CACNA1D: variants seen among roughly 807,000 people sequenced by gnomAD.
CACNA1D encodes calcium voltage-gated channel subunit alpha1 D, also known as voltage-dependent L-type calcium channel subunit alpha-1D.
A neutral mutation model predicts 257.1 loss-of-function variants in CACNA1D; 55 were observed. The ratio of observed to expected loss-of-function variants is 0.21; its 90% CI spans 0.17 to 0.27. CACNA1D has a LOEUF of 0.27. CACNA1D is among the 10% of genes least tolerant of loss of function. The pLI is 1.00. For synonymous variants in CACNA1D, 980 were observed against 1,014.9 expected, an observed-to-expected ratio of 0.97 and a Z score of 0.65; for missense variants, 1,876 against 2,784.0, an observed-to-expected ratio of 0.67 and a Z score of 7.34.
At chr3:53,766,649 T>G (rs1330764878) in intron 30 of CACNA1D, among the ~76,000 whole-genome samples, 2 of 152,166 alleles carry the variant, frequency 1.3e-5, no homozygotes, top group Non-Finnish European at 2.9e-5. Context: ...GAGAGCCCTG[T>G]GGGAAGAGGC....
intron 3 of CACNA1D, among the ~76,000 whole-genome samples, chr3:53,600,880 A>G (rs1207304779): frequency 6.6e-6 from 1 of 152,196 alleles, no homozygotes; most frequent in Non-Finnish European, 1.5e-5. Context: ...TGAATGATTG[A>G]AACAGATAAT....
intron 3 of CACNA1D, among the ~76,000 whole-genome samples, chr3:53,646,304 T>A (rs2094019910): frequency 6.6e-6 from 1 of 152,210 alleles, no homozygotes; most frequent in Admixed American, 6.5e-5. Context: ...TCAGCTGTTG[T>A]CCTAGCAGTT....
At chr3:53,765,824 T>A (rs2095329015) in intron 30 of CACNA1D, 1 of 152,314 alleles carries the variant, frequency 6.6e-6, no homozygotes, top group Admixed American at 6.5e-5. Context: ...ACTGTCCCCC[T>A]CCCATGTCCC....
At chr3:53,595,660 C>T (rs1433212467) in intron 3 of CACNA1D, among the ~76,000 whole-genome samples, 1 of 152,158 alleles carries the variant, frequency 6.6e-6, no homozygotes, top group Non-Finnish European at 1.5e-5. Flanking sequence ...CCAGGATGAC[C>T]CTGGTTTCTA....
chr3:53,645,180 A>G (rs1208777711), intron 3 of CACNA1D, among the ~76,000 whole-genome samples: 3 of 152,070 alleles, frequency 2.0e-5, no homozygotes, highest in Admixed American at 6.6e-5. Context: ...TTTTCTTGCT[A>G]TTGAGTTGTT....
intron 29 of CACNA1D, among the ~76,000 whole-genome samples, chr3:53,761,104 CAA>C (rs2095298937): frequency 6.6e-6 from 1 of 152,072 alleles, no homozygotes; most frequent in Non-Finnish European, 1.5e-5. Context: ...TGGGGTTAGG[CAA>C]TTAGGATTGC....
At chr3:53,513,906 A>G (rs1389581829) in intron 3 of CACNA1D, among the ~76,000 whole-genome samples, 1 of 152,216 alleles carries the variant, frequency 6.6e-6, no homozygotes, top group Non-Finnish European at 1.5e-5. Context: ...TTTGTGGCCT[A>G]GCAGCAACAG....
At chr3:53,657,288 C>T (rs1471835413) in intron 4 of CACNA1D, among the ~76,000 whole-genome samples, 1 of 151,350 alleles carries the variant, frequency 6.6e-6, no homozygotes, top group African/African-American at 2.4e-5. Context: ...GCCAGGAGAA[C>T]ATACTATGTG....
At chr3:53,579,730 G>A (rs2093098454) in intron 3 of CACNA1D, among the ~76,000 whole-genome samples, 1 of 152,226 alleles carries the variant, frequency 6.6e-6, no homozygotes, top group African/African-American at 2.4e-5. Flanking sequence ...AGGGCTTTGA[G>A]TGGTGCAGTG....
chr3:53,622,239 C>A (rs1302490596), intron 3 of CACNA1D, among the ~76,000 whole-genome samples: 1 of 152,238 alleles, frequency 6.6e-6, no homozygotes, highest in Non-Finnish European at 1.5e-5. Flanking sequence ...TTAATAGAGA[C>A]AGGGTTTCAC....
intron 3 of CACNA1D, among the ~76,000 whole-genome samples, chr3:53,503,333 T>G (rs1025201905): frequency 6.6e-6 from 1 of 152,218 alleles, no homozygotes; most frequent in African/African-American, 2.4e-5. Context: ...TGTAGACATG[T>G]GACATTAGAT....
chr3:53,715,184 C>T lies in CACNA1D; in HGVS notation c.1391-3117C>T, dbSNP rs1452378674. 2.0e-5 allele frequency among the ~76,000 whole-genome samples: 3 copies of T among 152,250 alleles called. No homozygotes were observed. The East Asian group carries it at 5.8e-4, about 29-fold the overall frequency. On this transcript the variant is annotated intron_variant, in intron 9 of 47. Coordinates refer to ENST00000350061, the MANE Select transcript of CACNA1D (RefSeq NM_001128840.3). Reference sequence around the variant, plus strand: ...TAGGGGCTGGATCAAGGGCTGTTTCCAGGACCAAATGAGGTCTCCAATTTC... The same window carrying T: ...TAGGGGCTGGATCAAGGGCTGTTTCTAGGACCAAATGAGGTCTCCAATTTC...
At chr3:53,560,977 G>C (rs775096326) in intron 3 of CACNA1D, among the ~76,000 whole-genome samples, 1 of 152,242 alleles carries the variant, frequency 6.6e-6, no homozygotes, top group Non-Finnish European at 1.5e-5. Flanking sequence ...GTAAGCCAAA[G>C]TAGCTTCTCA....
chr3:53,660,392 G>T, intron 5 of CACNA1D, 117 bp downstream of exon 5: 3 of 904,452 alleles, frequency 3.3e-6, no homozygotes, highest in South Asian at 1.4e-5. Flanking sequence ...GTCAGCAGAT[G>T]ACCATGGCCT....
chr3:53,684,406 G>A (rs34078083), intron 8 of CACNA1D, among the ~76,000 whole-genome samples: 30,350 of 152,092 alleles, frequency 0.2, 3,480 homozygotes, highest in East Asian at 0.41. Context: ...CAGATCACCT[G>A]AGGTGGGGAG....
intron 3 of CACNA1D, among the ~76,000 whole-genome samples, chr3:53,555,073 T>C (rs2092612719): frequency 6.6e-6 from 1 of 152,238 alleles, no homozygotes. Context: ...AACTTGTAAT[T>C]ATATTAGAGC....
At chr3:53,553,972 A>G (rs554997257) in intron 3 of CACNA1D, among the ~76,000 whole-genome samples, 68 of 151,866 alleles carry the variant, frequency 4.5e-4, no homozygotes, top group South Asian at 1.3e-3. Context: ...CAAGGCGGGC[A>G]GATCATGAGG....
At chr3:53,517,533 G>T (rs1229807167) in intron 3 of CACNA1D, among the ~76,000 whole-genome samples, 18 of 151,160 alleles carry the variant, frequency 1.2e-4, no homozygotes, top group Admixed American at 1.3e-4. Context: ...ACCCAGGCTG[G>T]AGTGCAGTGG....
At chr3:53,644,260 C>T (rs1338101258) in intron 3 of CACNA1D, among the ~76,000 whole-genome samples, 2 of 152,102 alleles carry the variant, frequency 1.3e-5, no homozygotes, top group African/African-American at 4.8e-5. Flanking sequence ...GCATACACTG[C>T]GGAATGGCTA....
Sources: gnomAD v4.1 joint callset for allele counts (sites outside exome capture counted in the v4.1 genomes callset) on GRCh38, gnomAD v4.1.1 for gene constraint, MANE v1.5 for transcripts, NCBI Gene and HGNC (gene_info 2026-07-23, HGNC 2026-07-21) for gene names.